Variants in TVP23C observed in about 807,000 individuals in gnomAD.
TVP23C encodes the protein Golgi apparatus membrane protein TVP23 homolog C.
TVP23C carries 19 observed loss-of-function variants against 28.7 expected under a neutral mutation model. The ratio of observed to expected loss-of-function variants is 0.66; its 90% CI spans 0.46 to 0.97. The LOEUF (loss-of-function observed/expected upper bound fraction) is 0.97, where lower values mean the gene tolerates loss of function less well. Among genes scored for constraint, TVP23C ranks in the 50% least tolerant of loss-of-function variants. TVP23C has a pLI of 0.00. For missense variants in TVP23C, 186 were observed against 241.3 expected, an observed-to-expected ratio of 0.77 and a Z score of 1.52; for synonymous variants, 68 against 81.7, an observed-to-expected ratio of 0.83 and a Z score of 0.90.
intron 3 of TVP23C, among the ~76,000 whole-genome samples, chr17:15,552,545 G>A (rs865830482): frequency 7.9e-5 from 12 of 151,880 alleles, no homozygotes; most frequent in African/African-American, 2.4e-4. Flanking sequence ...TTAGCCAGGC[G>A]TGGTGGTGCA....
At chr17:15,502,857 G>C in exon 6 of TVP23C, 4 of 1,567,636 alleles carry the variant, frequency 2.6e-6, no homozygotes, top group Non-Finnish European at 3.5e-6. Context: ...AGATTTGTGG[G>C]TTGTTTTTAA....
chr17:15,561,783 G>A (rs992908211), intron 1 of TVP23C, among the ~76,000 whole-genome samples: 38 of 152,216 alleles, frequency 2.5e-4, no homozygotes, highest in African/African-American at 9.2e-4. Context: ...TGGGTAAAAT[G>A]AGGCTGAAAC....
chr17:15,537,859 G>T lies in TVP23C; in HGVS notation c.*2553C>A. 1 of 1,301,374 alleles carries T rather than the reference G, an allele frequency of 7.7e-7. No individual in the cohort carries two copies. The highest frequency in any genetic ancestry group is 9.7e-7 in the Non-Finnish European group (1 of 1,026,128). 80.6% of individuals were successfully genotyped at this position (1,301,374 alleles called of 1,614,324 possible). ...TGGGATATACAGGTATTACATGGCCGTGTGCATACCTATGGAATGTGCATA... is the reference window on the plus strand; with the variant it reads ...TGGGATATACAGGTATTACATGGCCTTGTGCATACCTATGGAATGTGCATA... On this transcript the variant is annotated 3_prime_UTR_variant, in exon 6 of 6. Coordinates refer to ENST00000518321, the MANE Select transcript of TVP23C (RefSeq NM_001135036.2).
intron 5 of TVP23C, among the ~76,000 whole-genome samples, chr17:15,508,574 T>G (rs1981869643): frequency 6.6e-6 from 1 of 152,172 alleles, no homozygotes; most frequent in African/African-American, 2.4e-5. Context: ...AGGACTCACA[T>G]GCCTTTGCTC....
intron 5 of TVP23C, among the ~76,000 whole-genome samples, chr17:15,506,681 G>A (rs547754545): frequency 1.3e-5 from 2 of 152,346 alleles, no homozygotes; most frequent in African/African-American, 4.8e-5. Context: ...AAGGTCTGCA[G>A]CTTCACTCCT....
At chr17:15,541,224 A>C (rs1377973543) in intron 5 of TVP23C, among the ~76,000 whole-genome samples, 1 of 152,218 alleles carries the variant, frequency 6.6e-6, no homozygotes, top group Non-Finnish European at 1.5e-5. Flanking sequence ...ATTCTTTAAA[A>C]ATTTCTAATT....
chr17:15,539,215 G>C lies in TVP23C; in HGVS notation c.*1197C>G. ...AACCCAGCAATCTTGTGCCCTCTAG[G>C]TGATTCTCATGTATGTTCGAGTTTA... On this transcript the variant is annotated 3_prime_UTR_variant, in exon 6 of 6. Coordinates refer to ENST00000518321, the MANE Select transcript of TVP23C (RefSeq NM_001135036.2). 8.2e-6 allele frequency: 8 copies of C among 977,024 alleles called. No individual in the cohort carries two copies. The highest frequency in any genetic ancestry group is 7.3e-6 in the Non-Finnish European group (6 of 822,340). 60.5% of individuals were successfully genotyped at this position (977,024 alleles called of 1,614,324 possible).
intron 5 of TVP23C, among the ~76,000 whole-genome samples, chr17:15,504,973 G>A (rs1252602540): frequency 6.6e-6 from 1 of 152,126 alleles, no homozygotes; most frequent in African/African-American, 2.4e-5. Context: ...GAAGGAGAGG[G>A]TCCAATAAAA....
In TVP23C at chr17:15,539,675, T is replaced by C; in HGVS notation, c.*737A>G. On this transcript the variant is annotated 3_prime_UTR_variant, in exon 6 of 6. Transcript: ENST00000518321. ...CCAATAATTATTTACCTATGACTAC[T>C]ACTCATCCTGCTGAAAACCCTGATG... 1 of 985,040 alleles carries C rather than the reference T, an allele frequency of 1.0e-6. No individual in the cohort carries two copies. The highest frequency in any genetic ancestry group is 1.2e-6 in the Non-Finnish European group (1 of 829,778). The allele number at this position is 985,040 out of a possible 1,614,324, so 61.0% of individuals were successfully genotyped here.
intron 5 of TVP23C, among the ~76,000 whole-genome samples, chr17:15,545,067 CA>C (rs1182822387): frequency 3.9e-5 from 6 of 152,140 alleles, no homozygotes; most frequent in Non-Finnish European, 8.8e-5. Context: ...AAGACAGCAG[CA>C]ACAATATCTC....
chr17:15,528,801 T>C (rs1388746216), intron 5 of TVP23C, among the ~76,000 whole-genome samples: 1 of 151,062 alleles, frequency 6.6e-6, no homozygotes, highest in Non-Finnish European at 1.5e-5. Context: ...TTTCTCCATG[T>C]TGGCCAGGCT....
intron 5 of TVP23C, among the ~76,000 whole-genome samples, chr17:15,511,678 C>T (rs181585465): frequency 6.6e-6 from 1 of 152,264 alleles, no homozygotes; most frequent in Admixed American, 6.5e-5. Flanking sequence ...ATCAGAATGT[C>T]CCCAAGTTTA....
intron 5 of TVP23C, among the ~76,000 whole-genome samples, chr17:15,513,481 A>C (rs1328945010): frequency 6.6e-6 from 1 of 152,178 alleles, no homozygotes; most frequent in East Asian, 1.9e-4. Context: ...GAGATGGGGG[A>C]TTGAACGTCA....
chr17:15,558,550 T>C (rs1476790), intron 1 of TVP23C, among the ~76,000 whole-genome samples: 1,577 of 144,904 alleles, frequency 0.011, 52 homozygotes, highest in African/African-American at 0.04. Flanking sequence ...ATGACATGAT[T>C]ACAATGGTCC....
chr17:15,551,852 G>A (rs976036829), intron 3 of TVP23C, among the ~76,000 whole-genome samples: 24 of 151,990 alleles, frequency 1.6e-4, no homozygotes, highest in Admixed American at 9.2e-4. Flanking sequence ...TAACAATTAC[G>A]ACACATCTCC....
chr17:15,509,725 A>G (rs1285015599), intron 5 of TVP23C, among the ~76,000 whole-genome samples: 2 of 152,172 alleles, frequency 1.3e-5, no homozygotes, highest in Admixed American at 1.3e-4. Context: ...AGGGAAAAAT[A>G]CAGAAAAATC....
At position 15,537,530 on chromosome 17, in the gene TVP23C, C is replaced by A. The variant is rs1053485082; in HGVS notation, c.*2882G>T. 4 of 984,082 alleles carry A rather than the reference C, an allele frequency of 4.1e-6. No individual in the cohort carries two copies. In the East Asian group the frequency reaches 4.5e-4, roughly 112 times the overall value. 61.0% of individuals were successfully genotyped at this position (984,082 alleles called of 1,614,324 possible). Reference sequence around the variant, plus strand: ...TGGGCCTTAAGTAGATAACTTCTTACAAACAAAAATAAAATTTTATAAAGT... The same window carrying A: ...TGGGCCTTAAGTAGATAACTTCTTAAAAACAAAAATAAAATTTTATAAAGT... On this transcript the variant is annotated 3_prime_UTR_variant, in exon 6 of 6. Coordinates refer to ENST00000518321, the MANE Select transcript of TVP23C (RefSeq NM_001135036.2).
At chr17:15,503,472 T>C in intron 5 of TVP23C, 1 of 371,178 alleles carries the variant, frequency 2.7e-6, no homozygotes, top group Non-Finnish European at 4.8e-6. Flanking sequence ...ACATGAACAG[T>C]GAAGGGGACT....
Position 15,553,909 on chromosome 17 carries a change from C to T in TVP23C, c.96-80G>A, listed in dbSNP as rs764498296. 178 of 1,597,394 alleles carry T rather than the reference C, an allele frequency of 1.1e-4. 1 individual carries two copies. The Middle Eastern group carries it at 1.8e-3, about 17-fold the overall frequency. On this transcript the variant is annotated intron_variant, in intron 2 of 5. Coordinates refer to ENST00000518321, the MANE Select transcript of TVP23C (RefSeq NM_001135036.2). The stretch of plus-strand genomic sequence containing the variant: ...GCAAATGTAGAGAAAAATGTTTTAG[C>T]CATCGTGTAACTGTGAAGAGTTTTG...
Sources: allele counts gnomAD v4.1 joint callset (sites outside exome capture counted in the v4.1 genomes callset), GRCh38; gene constraint gnomAD v4.1.1; transcripts MANE v1.5; gene names NCBI Gene and HGNC (gene_info 2026-07-23, HGNC 2026-07-21).